The following CNTNAP2 variants were observed in gnomAD, a reference collection of about 807,000 sequenced individuals.
CNTNAP2 encodes the protein contactin-associated protein-like 2.
Under a neutral mutation model 155.2 loss-of-function variants are expected in CNTNAP2, and 98 were observed. The ratio of observed to expected loss-of-function variants is 0.63; its 90% CI spans 0.54 to 0.75. The LOEUF (loss-of-function observed/expected upper bound fraction) is 0.75. Ranked by LOEUF, CNTNAP2 falls within the 30% of genes least tolerant of loss-of-function variation. The pLI, the probability that CNTNAP2 is intolerant of heterozygous loss-of-function variation, is 0.00. For missense variants in CNTNAP2, 1,727 were observed against 1,688.1 expected (o/e 1.02, Z -0.40); for synonymous variants, 651 against 631.2 (o/e 1.03, Z -0.47).
chr7:147,248,425 A>G (rs1804115068), intron 8 of CNTNAP2, among the ~76,000 whole-genome samples: 1 of 152,158 alleles, frequency 6.6e-6, no homozygotes, highest in Non-Finnish European at 1.5e-5. Flanking sequence ...GGTTGAGTGC[A>G]AGGAGGCAAG....
At chr7:147,468,834 T>C (rs1798163293) in intron 10 of CNTNAP2, among the ~76,000 whole-genome samples, 1 of 57,046 alleles carries the variant, frequency 1.8e-5, no homozygotes, top group African/African-American at 1.1e-4. Flanking sequence ...TTCTTCTTCT[T>C]CTTCTTCTTT....
intron 12 of CNTNAP2, among the ~76,000 whole-genome samples, chr7:147,630,540 A>G (rs1795069211): frequency 6.6e-6 from 1 of 152,138 alleles, no homozygotes; most frequent in South Asian, 2.1e-4. Context: ...CTACAGACCA[A>G]TACTGCTGAT....
intron 10 of CNTNAP2, among the ~76,000 whole-genome samples, chr7:147,435,651 C>T (rs945701843): frequency 1.3e-5 from 2 of 152,168 alleles, no homozygotes; most frequent in Non-Finnish European, 2.9e-5. Flanking sequence ...GGCTGCAAGC[C>T]TAGACGCTAC....
chr7:146,777,731 AT>A (rs927647611), intron 2 of CNTNAP2, among the ~76,000 whole-genome samples: 4 of 152,006 alleles, frequency 2.6e-5, no homozygotes, highest in Non-Finnish European at 4.4e-5. Flanking sequence ...TGCCTGGCTG[AT>A]TTTTGCATTT....
intron 1 of CNTNAP2, among the ~76,000 whole-genome samples, chr7:146,661,705 T>A (rs1187908037): frequency 1.4e-5 from 2 of 146,110 alleles, no homozygotes; most frequent in Non-Finnish European, 3.0e-5. Flanking sequence ...CATTGGAGAG[T>A]TTTTCTTTTT....
At chr7:146,192,279 A>G (rs1798717194) in intron 1 of CNTNAP2, among the ~76,000 whole-genome samples, 1 of 152,120 alleles carries the variant, frequency 6.6e-6, no homozygotes, top group Non-Finnish European at 1.5e-5. Context: ...TACTTGTAAC[A>G]TGGAATTTTT....
At chr7:147,809,176 G>T (rs1306412085) in intron 13 of CNTNAP2, among the ~76,000 whole-genome samples, 2 of 152,208 alleles carry the variant, frequency 1.3e-5, no homozygotes, top group Non-Finnish European at 2.9e-5. Context: ...TGGCTGGAAA[G>T]CTCTCTAATA....
At chr7:147,100,092 C>T (rs114465826) in intron 4 of CNTNAP2, among the ~76,000 whole-genome samples, 4,679 of 151,874 alleles carry the variant, frequency 0.031, 225 homozygotes, top group African/African-American at 0.1. Context: ...TGGATGAGAG[C>T]GAGGACAGAA....
chr7:146,252,782 T>A (rs1364904470), intron 1 of CNTNAP2, among the ~76,000 whole-genome samples: 3 of 152,216 alleles, frequency 2.0e-5, no homozygotes, highest in African/African-American at 7.2e-5. Context: ...TAATAGTCCA[T>A]AACAAAGTGT....
At chr7:146,147,279 T>C (rs1260249973) in intron 1 of CNTNAP2, among the ~76,000 whole-genome samples, 1 of 152,124 alleles carries the variant, frequency 6.6e-6, no homozygotes, top group Admixed American at 6.6e-5. Context: ...TGTTTTTAGT[T>C]CATAAAGTAA....
chr7:148,020,460 T>C (rs1205596119), intron 15 of CNTNAP2, among the ~76,000 whole-genome samples: 1 of 152,234 alleles, frequency 6.6e-6, no homozygotes, highest in Non-Finnish European at 1.5e-5. Flanking sequence ...CAAGTTGTGA[T>C]TGGTGAAGAT....
At chr7:148,199,159 C>T (rs1252186513) in intron 18 of CNTNAP2, among the ~76,000 whole-genome samples, 1 of 152,148 alleles carries the variant, frequency 6.6e-6, no homozygotes, top group Non-Finnish European at 1.5e-5. Flanking sequence ...TAAATTAATT[C>T]CTTTTGCCAT....
At chr7:146,589,845 C>T (rs1234010829) in intron 1 of CNTNAP2, among the ~76,000 whole-genome samples, 1 of 152,064 alleles carries the variant, frequency 6.6e-6, no homozygotes, top group Non-Finnish European at 1.5e-5. Context: ...GCAGAAGGCA[C>T]CCTCCACATG....
Position 147,145,999 on chromosome 7 carries a change from T to G in CNTNAP2, c.1348+13490T>G, listed in dbSNP as rs547891509. On this transcript the variant is annotated intron_variant, in intron 8 of 23. Transcript: ENST00000361727. ...GCATCACTATGACTTGTTCCTACCATTTTTATCATTAGTAGATGCAAACAT... is the reference window on the plus strand; with the variant it reads ...GCATCACTATGACTTGTTCCTACCAGTTTTATCATTAGTAGATGCAAACAT... Among the ~76,000 whole-genome samples, 21 of 152,366 alleles carry G rather than the reference T, an allele frequency of 1.4e-4. No individual in the cohort carries two copies. The South Asian group carries it at 4.3e-3, about 32-fold the overall frequency.
At chr7:147,325,978 A>T (rs1795448093) in intron 9 of CNTNAP2, among the ~76,000 whole-genome samples, 1 of 152,072 alleles carries the variant, frequency 6.6e-6, no homozygotes, top group Admixed American at 6.6e-5. Context: ...GCTGGAGTGC[A>T]GTGGCACAAT....
At chr7:146,578,319 C>T (rs907897420) in intron 1 of CNTNAP2, among the ~76,000 whole-genome samples, 12 of 152,038 alleles carry the variant, frequency 7.9e-5, no homozygotes, top group African/African-American at 2.9e-4. Context: ...TTCAATTTTG[C>T]TCAGAGAACA....
intron 1 of CNTNAP2, among the ~76,000 whole-genome samples, chr7:146,761,952 C>T (rs1309283585): frequency 6.6e-6 from 1 of 151,948 alleles, no homozygotes; most frequent in Admixed American, 6.6e-5. Flanking sequence ...GACTCAAAAT[C>T]TAAATATATT....
chr7:147,401,708 A>C (rs1015021930), intron 10 of CNTNAP2, among the ~76,000 whole-genome samples: 1 of 152,248 alleles, frequency 6.6e-6, no homozygotes, highest in South Asian at 2.1e-4. Context: ...CGTTCTCATG[A>C]TAGTGAGTGA....
At chr7:147,356,850 C>G (rs1056243708) in intron 9 of CNTNAP2, among the ~76,000 whole-genome samples, 1 of 151,974 alleles carries the variant, frequency 6.6e-6, no homozygotes, top group Admixed American at 6.6e-5. Context: ...GTTTGTGAAA[C>G]TCTCTTCTCT....
Sources: gnomAD v4.1 joint callset for allele counts (sites outside exome capture counted in the v4.1 genomes callset) on GRCh38, gnomAD v4.1.1 for gene constraint, MANE v1.5 for transcripts, NCBI Gene and HGNC (gene_info 2026-07-23, HGNC 2026-07-21) for gene names.